PDE1C: variants seen among roughly 807,000 people sequenced by gnomAD.
PDE1C encodes the protein phosphodiesterase 1C.
Under a neutral mutation model 93.1 loss-of-function variants are expected in PDE1C, and 62 were observed. The observed-to-expected ratio is 0.67, with a 90% CI of 0.54 to 0.82. The LOEUF is 0.82. Ranked by LOEUF, PDE1C falls within the 40% of genes least tolerant of loss-of-function variation. PDE1C has a pLI of 0.00. For missense variants in PDE1C, 742 were observed against 884.6 expected (o/e 0.84, Z 2.04); for synonymous variants, 325 against 310.1 (o/e 1.05, Z -0.50).
chr7:31,979,916 G>T (rs576792663), intron 2 of PDE1C, among the ~76,000 whole-genome samples: 4 of 152,186 alleles, frequency 2.6e-5, no homozygotes, highest in Non-Finnish European at 1.5e-5. Flanking sequence ...CAGATCATGA[G>T]ACCTCAAAAT....
chr7:31,652,189 T>C, the PDE1C span: 1 of 747,010 alleles, frequency 1.3e-6, no homozygotes, highest in Non-Finnish European at 2.2e-6. Context: ...TACAGAGAAG[T>C]ACTTTGGTTT....
chr7:32,037,386 C>A (rs1038132641), intron 2 of PDE1C, among the ~76,000 whole-genome samples: 3 of 152,118 alleles, frequency 2.0e-5, no homozygotes, highest in Admixed American at 2.0e-4. Context: ...CACAAGGATA[C>A]CCACAGCATA....
chr7:31,846,261 T>G (rs1183852666), intron 9 of PDE1C, among the ~76,000 whole-genome samples: 1 of 148,224 alleles, frequency 6.7e-6, no homozygotes, highest in Non-Finnish European at 1.5e-5. Context: ...AGACGGAGTC[T>G]CGCTCTGTCA....
At chr7:31,933,982 C>A (rs376932277) in intron 2 of PDE1C, among the ~76,000 whole-genome samples, 1 of 152,140 alleles carries the variant, frequency 6.6e-6, no homozygotes, top group Non-Finnish European at 1.5e-5. Context: ...GAAAATAATA[C>A]CCTAAAAATG....
intron 2 of PDE1C, among the ~76,000 whole-genome samples, chr7:32,030,149 C>T (rs962564475): frequency 6.6e-6 from 1 of 150,946 alleles, no homozygotes; most frequent in Non-Finnish European, 1.5e-5. Context: ...TATAATCTCT[C>T]AGGAGGAACC....
chr7:32,206,714 C>A (rs957003393), intron 2 of PDE1C, among the ~76,000 whole-genome samples: 1 of 152,236 alleles, frequency 6.6e-6, no homozygotes, highest in Non-Finnish European at 1.5e-5. Flanking sequence ...ATGAGGTATT[C>A]TTCTAGCTCA....
intron 3 of PDE1C, among the ~76,000 whole-genome samples, chr7:32,113,387 C>T (rs1798794421): frequency 6.7e-6 from 1 of 149,290 alleles, no homozygotes; most frequent in African/African-American, 2.5e-5. Flanking sequence ...TGTCTGTCTA[C>T]ATGTGAATCC....
chr7:31,850,840 C>G (rs1793240771), intron 7 of PDE1C, 99 bp from the exon 8 acceptor site: 1 of 833,016 alleles, frequency 1.2e-6, no homozygotes, highest in African/African-American at 1.7e-5. Flanking sequence ...TACCCTGCAG[C>G]TGGTAAGCTA....
Position 31,847,805 on chromosome 7 carries a change from C to T in PDE1C, c.980+163G>A. 5 of 686,336 alleles carry T rather than the reference C, an allele frequency of 7.3e-6. No homozygotes were observed. The South Asian group carries it at 8.1e-5, about 11-fold the overall frequency. 42.5% of individuals were successfully genotyped at this position (686,336 alleles called of 1,614,324 possible). On this transcript the variant is annotated intron_variant, in intron 9 of 17. Transcript: ENST00000396191. ...AAAGAAAAAAGAGAAATAAGACATA[C>T]ATACATACACAAAGAGAGGGTGAGA...
At chr7:31,672,920 A>G in the PDE1C span, among the ~76,000 whole-genome samples, 3 of 152,132 alleles carry the variant, frequency 2.0e-5, no homozygotes, top group African/African-American at 7.2e-5. Flanking sequence ...ATACTGAGTG[A>G]GTTTTTATGA....
chr7:31,941,036 C>A (rs1028160537), intron 2 of PDE1C, among the ~76,000 whole-genome samples: 1 of 151,902 alleles, frequency 6.6e-6, no homozygotes. Flanking sequence ...AACAAAACAC[C>A]AGTCTTCTAA....
At chr7:31,883,216 C>G (rs1177526477) in intron 2 of PDE1C, among the ~76,000 whole-genome samples, 1 of 152,176 alleles carries the variant, frequency 6.6e-6, no homozygotes, top group Non-Finnish European at 1.5e-5. Context: ...AATACATTCT[C>G]AGGTGTCAAC....
chr7:31,840,296 C>T (rs1791693076), intron 9 of PDE1C, among the ~76,000 whole-genome samples: 1 of 151,894 alleles, frequency 6.6e-6, no homozygotes, highest in Non-Finnish European at 1.5e-5. Context: ...TGTTTCAAAC[C>T]TTTCTCATTT....
chr7:32,136,506 A>AT (rs970968653), intron 3 of PDE1C, among the ~76,000 whole-genome samples: 2 of 149,190 alleles, frequency 1.3e-5, no homozygotes, highest in South Asian at 2.1e-4. Context: ...TCATTTATCC[A>AT]TTTTTTTGCT....
Position 32,343,732 on chromosome 7 carries a change from ATC to A in PDE1C, c.310+84088_310+84089del, listed in dbSNP as rs140689201. ...ATAAATTATCCTTTGTAATTTCCCAATCTCTATTTTTCACTAATTAATTTAAA... is the reference window on the plus strand; with the variant it reads ...ATAAATTATCCTTTGTAATTTCCCAATCTATTTTTCACTAATTAATTTAAA... On this transcript the variant is annotated intron_variant, in intron 1 of 1. Transcript: ENST00000672256. Among the ~76,000 whole-genome samples the A allele has an allele frequency of 3.7e-3, 557 of 152,290 alleles. 3 individuals are homozygous for A. Among genetic ancestry groups the A allele is most frequent in the African/African-American group, 0.013 (532 of 41,572 alleles).
At chr7:31,670,182 AT>A in the PDE1C span, among the ~76,000 whole-genome samples, 1 of 152,146 alleles carries the variant, frequency 6.6e-6, no homozygotes, top group Admixed American at 6.6e-5. Context: ...AGTATTGCAG[AT>A]TTTTTGTTTG....
chr7:32,099,404 T>G lies in PDE1C; in HGVS notation c.308+70381A>C, dbSNP rs1005872243. The stretch of plus-strand genomic sequence containing the variant: ...AACTGTGTGCTGTTCCTCAAAGCAC[T>G]GTCTTCACCTATGTCTTACTCCTCC... On this transcript the variant is annotated intron_variant, in intron 3 of 18. Coordinates refer to the PDE1C transcript ENST00000396193. Among the ~76,000 whole-genome samples, 16 of 152,364 alleles carry G rather than the reference T, an allele frequency of 1.1e-4. 5 individuals are homozygous for G. The highest frequency in any genetic ancestry group is 6.5e-5 in the Admixed American group (1 of 15,310).
At chr7:32,289,490 G>C (rs1443572044) in intron 1 of PDE1C, among the ~76,000 whole-genome samples, 1 of 152,074 alleles carries the variant, frequency 6.6e-6, no homozygotes, top group Non-Finnish European at 1.5e-5. Flanking sequence ...ATTTTGTTTT[G>C]TCCAAAGATA....
chr7:32,337,790 T>C (rs1161776247), intron 1 of PDE1C, among the ~76,000 whole-genome samples: 1 of 150,922 alleles, frequency 6.6e-6, no homozygotes. Context: ...GTCAAAAAGA[T>C]GGGAAAAAAA....
Sources: allele counts gnomAD v4.1 joint callset (sites outside exome capture counted in the v4.1 genomes callset), GRCh38; gene constraint gnomAD v4.1.1; transcripts MANE v1.5; gene names NCBI Gene and HGNC (gene_info 2026-07-23, HGNC 2026-07-21).